GPHN: variants seen among roughly 807,000 people sequenced by gnomAD.
GPHN encodes gephyrin.
Under a neutral mutation model 95.5 loss-of-function variants are expected in GPHN, and 17 were observed. That is an observed-to-expected ratio of 0.18 (90% CI 0.12 to 0.27). The LOEUF is 0.27. GPHN is among the 10% of genes least tolerant of loss of function. The pLI, the probability that GPHN is intolerant of heterozygous loss-of-function variation, is 1.00. For missense variants in GPHN, 660 were observed against 978.1 expected, an observed-to-expected ratio of 0.67 and a Z score of 4.34; for synonymous variants, 320 against 322.5, an observed-to-expected ratio of 0.99 and a Z score of 0.08.
chr14:67,550,522 A>G, the GPHN span, among the ~76,000 whole-genome samples: 1 of 152,252 alleles, frequency 6.6e-6, no homozygotes, highest in Admixed American at 6.5e-5. Flanking sequence ...GAGTTAGAAC[A>G]ATTTAATGGC....
At chr14:67,009,316 G>A (rs769206552) in intron 9 of GPHN, among the ~76,000 whole-genome samples, 15 of 152,134 alleles carry the variant, frequency 9.9e-5, no homozygotes, top group Admixed American at 3.9e-4. Flanking sequence ...CTGGTACACT[G>A]AGCCTAAATT....
At chr14:67,675,938 AAC>A in the GPHN span, among the ~76,000 whole-genome samples, 6 of 152,012 alleles carry the variant, frequency 3.9e-5, no homozygotes, top group Non-Finnish European at 5.9e-5. Flanking sequence ...CTCTGCTAAA[AAC>A]ACAAAAATTA....
chr14:67,448,120 C>CTTTTT, the GPHN span, among the ~76,000 whole-genome samples: 1 of 36,050 alleles, frequency 2.8e-5, no homozygotes, highest in African/African-American at 9.9e-5. Context: ...ATAGCCCATT[C>CTTTTT]TTTTTTTTTT....
intron 2 of GPHN, among the ~76,000 whole-genome samples, chr14:66,704,250 G>A (rs1218509722): frequency 3.3e-5 from 5 of 152,136 alleles, no homozygotes; most frequent in Admixed American, 2.0e-4. Context: ...GTCAATATTA[G>A]ATCAACAAGA....
chr14:66,563,933 T>C (rs183308278), intron 1 of GPHN, among the ~76,000 whole-genome samples: 1 of 152,232 alleles, frequency 6.6e-6, no homozygotes, highest in Admixed American at 6.5e-5. Context: ...CATAGCAAGT[T>C]TTTGTCTTAG....
At chr14:67,428,364 G>T in the GPHN span, among the ~76,000 whole-genome samples, 1 of 152,172 alleles carries the variant, frequency 6.6e-6, no homozygotes. Flanking sequence ...GCTCTATCCT[G>T]CTCCCCAAGA....
chr14:67,171,452 C>T (rs569381357), intron 21 of GPHN, among the ~76,000 whole-genome samples: 1 of 152,076 alleles, frequency 6.6e-6, no homozygotes, highest in African/African-American at 2.4e-5. Flanking sequence ...CCCGTGTTTC[C>T]ATGCAAGGAC....
intron 1 of GPHN, among the ~76,000 whole-genome samples, chr14:66,545,205 G>C (rs1163925348): frequency 6.7e-6 from 1 of 149,480 alleles, no homozygotes; most frequent in Non-Finnish European, 1.5e-5. Flanking sequence ...GCCGGGCGGG[G>C]GGCTGACCCC....
chr14:67,564,809 C>T, the GPHN span, among the ~76,000 whole-genome samples: 1 of 151,866 alleles, frequency 6.6e-6, no homozygotes, highest in Non-Finnish European at 1.5e-5. Context: ...CCACCTCAGC[C>T]TCCCGAGTAG....
At chr14:67,274,036 G>A in the GPHN span, among the ~76,000 whole-genome samples, 1 of 152,168 alleles carries the variant, frequency 6.6e-6, no homozygotes, top group Admixed American at 6.5e-5. Context: ...TTTGTCAGAT[G>A]GGTAGACGGT....
the GPHN span, among the ~76,000 whole-genome samples, chr14:67,329,537 G>A: frequency 2.6e-5 from 4 of 152,224 alleles, no homozygotes; most frequent in South Asian, 2.1e-4. Flanking sequence ...GGTGAGAGAG[G>A]GCATCCCTGT....
chr14:67,693,386 CAGA>C, the GPHN span, among the ~76,000 whole-genome samples: 3 of 152,148 alleles, frequency 2.0e-5, no homozygotes, highest in African/African-American at 7.2e-5. Flanking sequence ...AGATTCAGCC[CAGA>C]AGAAGAAATA....
the GPHN span, chr14:67,726,156 G>A: frequency 1.3e-6 from 2 of 1,587,962 alleles, no homozygotes; most frequent in Non-Finnish European, 8.6e-7. Context: ...AACCACCTGG[G>A]TAAGTATCTT....
intron 5 of GPHN, among the ~76,000 whole-genome samples, chr14:66,895,000 A>G (rs915999061): frequency 6.6e-6 from 1 of 152,226 alleles, no homozygotes; most frequent in African/African-American, 2.4e-5. Flanking sequence ...CAGCCATCCC[A>G]TTACTGGGTA....
the GPHN span, among the ~76,000 whole-genome samples, chr14:67,554,070 TC>T: frequency 6.6e-6 from 1 of 152,106 alleles, no homozygotes; most frequent in African/African-American, 2.4e-5. Context: ...TAACTCTCTG[TC>T]CAAGGGAATG....
intron 11 of GPHN, among the ~76,000 whole-genome samples, chr14:67,070,392 T>C (rs1015016519): frequency 2.7e-5 from 4 of 148,948 alleles, no homozygotes; most frequent in African/African-American, 9.8e-5. Context: ...TCATGGTATC[T>C]TCATATTCAA....
At chr14:66,867,107 T>C (rs1567037845) in intron 4 of GPHN, among the ~76,000 whole-genome samples, 1 of 152,148 alleles carries the variant, frequency 6.6e-6, no homozygotes, top group Non-Finnish European at 1.5e-5. Flanking sequence ...TGAAACGTTA[T>C]CTGCTTCTTC....
intron 1 of GPHN, 21 bp from the exon 2 acceptor site, chr14:66,681,086 C>A: frequency 7.1e-7 from 1 of 1,413,502 alleles, no homozygotes. Flanking sequence ...ATTTTTTTTT[C>A]TTTTCCCCAT....
chr14:67,166,378 C>T (rs1030614959), intron 20 of GPHN, among the ~76,000 whole-genome samples: 2 of 152,120 alleles, frequency 1.3e-5, no homozygotes, highest in Non-Finnish European at 1.5e-5. Context: ...CTTTTGTCTA[C>T]GGAAGATATG....
Sources: allele counts gnomAD v4.1 joint callset (sites outside exome capture counted in the v4.1 genomes callset), GRCh38; gene constraint gnomAD v4.1.1; transcripts MANE v1.5; gene names NCBI Gene and HGNC (gene_info 2026-07-23, HGNC 2026-07-21).